The following RALYL variants were observed in gnomAD, a reference collection of about 807,000 sequenced individuals.
The protein encoded by RALYL is RNA-binding Raly-like protein.
A neutral mutation model predicts 35.1 loss-of-function variants in RALYL; 29 were observed. That is an observed-to-expected ratio of 0.83 (90% confidence interval 0.61 to 1.13). The LOEUF (loss-of-function observed/expected upper bound fraction) is 1.13. RALYL is among the 50% of genes most tolerant of loss of function. RALYL has a pLI of 0.00. For synonymous variants in RALYL, 120 were observed against 127.6 expected (o/e 0.94, Z 0.40); for missense variants, 359 against 360.4 (o/e 1.00, Z 0.03).
chr8:84,522,395 G>T (rs573422339), intron 1 of RALYL, among the ~76,000 whole-genome samples: 1 of 150,530 alleles, frequency 6.6e-6, no homozygotes, highest in Non-Finnish European at 1.5e-5. Flanking sequence ...GACTACAGGC[G>T]CCCGCCACTA....
At chr8:84,846,816 T>C (rs1274819015) in intron 4 of RALYL, among the ~76,000 whole-genome samples, 1 of 152,218 alleles carries the variant, frequency 6.6e-6, no homozygotes, top group Non-Finnish European at 1.5e-5. Flanking sequence ...TTCATAATAG[T>C]TTCTGAGGAT....
chr8:84,696,669 T>C (rs1429474903), intron 2 of RALYL, among the ~76,000 whole-genome samples: 8 of 148,796 alleles, frequency 5.4e-5, no homozygotes, highest in Admixed American at 2.0e-4. Flanking sequence ...GAAAATAAAA[T>C]GTGAGACTCT....
At chr8:84,661,613 A>T (rs1413738981) in intron 2 of RALYL, among the ~76,000 whole-genome samples, 1 of 145,184 alleles carries the variant, frequency 6.9e-6, no homozygotes, top group Non-Finnish European at 1.5e-5. Flanking sequence ...TTCGTGCTAC[A>T]TTTTATTTTA....
rs1265848095 is a variant in RALYL at position 84,529,499 on chromosome 8, G to A, written c.178G>A (p.Val60Ile). The A allele has an allele frequency of 8.1e-6, 13 of 1,613,734 alleles. No individual in the cohort carries two copies. Among genetic ancestry groups the A allele is most frequent in the Non-Finnish European group, 9.3e-6 (11 of 1,179,850 alleles). ...GCSVHKGYAF[V>I]QYMSERHARA... ...TTCCGTTCACAAAGGTTATGCATTT[G>A]TACAGTACATGAGTGAGCGACATGC... The change falls in exon 2 of 9, where the codon GTA (valine) becomes ATA (isoleucine). Residue 60 changes from valine (V) to isoleucine (I), a missense_variant. Coordinates refer to ENST00000521268, the MANE Select transcript of RALYL (RefSeq NM_173848.7).
At chr8:84,679,597 CT>C in intron 2 of RALYL, 1 of 457,136 alleles carries the variant, frequency 2.2e-6, no homozygotes. Context: ...GCCTTATCTT[CT>C]TTGATGAAAC....
At chr8:84,837,819 G>T (rs1832329492) in intron 4 of RALYL, among the ~76,000 whole-genome samples, 4 of 152,100 alleles carry the variant, frequency 2.6e-5, no homozygotes, top group African/African-American at 9.7e-5. Context: ...TGAAATATTT[G>T]TTTGCACTAA....
intron 4 of RALYL, among the ~76,000 whole-genome samples, chr8:84,812,470 G>T (rs1433676821): frequency 1.3e-5 from 2 of 152,072 alleles, no homozygotes; most frequent in East Asian, 1.9e-4. Flanking sequence ...AGGAACCAAT[G>T]GTGGGTGGGG....
chr8:84,681,900 G>A (rs986843397), intron 2 of RALYL, among the ~76,000 whole-genome samples: 6 of 152,156 alleles, frequency 3.9e-5, no homozygotes, highest in African/African-American at 1.4e-4. Flanking sequence ...GTGAGAGAGG[G>A]CATCCCTGTC....
intron 1 of RALYL, among the ~76,000 whole-genome samples, chr8:84,512,542 C>G (rs1250199345): frequency 6.6e-6 from 1 of 152,098 alleles, no homozygotes; most frequent in Non-Finnish European, 1.5e-5. Context: ...TTAATATAGT[C>G]CCATTTGTCT....
At chr8:84,388,939 T>C (rs1186112007) in intron 1 of RALYL, among the ~76,000 whole-genome samples, 1 of 152,168 alleles carries the variant, frequency 6.6e-6, no homozygotes, top group Non-Finnish European at 1.5e-5. Context: ...CTGAATGGTG[T>C]TGCCTAGGTT....
At chr8:84,877,592 G>C (rs1841421356) in intron 7 of RALYL, among the ~76,000 whole-genome samples, 1 of 152,094 alleles carries the variant, frequency 6.6e-6, no homozygotes, top group Non-Finnish European at 1.5e-5. Flanking sequence ...ACAGAGAGTT[G>C]ATATCATTGG....
Position 84,795,865 on chromosome 8 carries a change from A to C in RALYL, c.333-8905A>C, listed in dbSNP as rs535217960. Among the ~76,000 whole-genome samples the C allele has an allele frequency of 1.1e-4, 17 of 152,288 alleles. No homozygotes were observed. The South Asian group carries it at 3.1e-3, about 28-fold the overall frequency. On this transcript the variant is annotated intron_variant, in intron 3 of 8. Transcript: ENST00000521268. Reference sequence around the variant, plus strand: ...TTTAGAGCTCACAAGCTTTTAAAGGAATGTTTATTCGCACTTTCAGCCACC... The same window carrying C: ...TTTAGAGCTCACAAGCTTTTAAAGGCATGTTTATTCGCACTTTCAGCCACC...
chr8:84,284,637 G>T (rs1236606893), intron 1 of RALYL, among the ~76,000 whole-genome samples: 1 of 152,084 alleles, frequency 6.6e-6, no homozygotes, highest in Non-Finnish European at 1.5e-5. Flanking sequence ...ATAGACCATT[G>T]GCAGTGCTTT....
intron 2 of RALYL, among the ~76,000 whole-genome samples, chr8:84,582,359 A>C (rs192704265): frequency 2.0e-4 from 30 of 152,260 alleles, no homozygotes; most frequent in African/African-American, 6.0e-4. Flanking sequence ...TGTTTAAATT[A>C]TACCTTTATT....
intron 2 of RALYL, among the ~76,000 whole-genome samples, chr8:84,773,489 A>G (rs1355819721): frequency 6.6e-6 from 1 of 152,110 alleles, no homozygotes; most frequent in Admixed American, 6.6e-5. Context: ...TATTTATATT[A>G]CTTTCCAAAC....
At chr8:84,223,101 T>G (rs1046986906) in intron 1 of RALYL, among the ~76,000 whole-genome samples, 2 of 99,452 alleles carry the variant, frequency 2.0e-5, no homozygotes, top group African/African-American at 9.6e-5. Context: ...TCCTTTCCTT[T>G]CCTTTCCTTT....
rs576875754 is a variant in RALYL at position 84,410,907 on chromosome 8, G to A, written c.-23-118392G>A. Among the ~76,000 whole-genome samples, 5 of 151,766 alleles carry A rather than the reference G, an allele frequency of 3.3e-5. 1 individual carries two copies. In the South Asian group the frequency reaches 1.0e-3, roughly 32 times the overall value. On this transcript the variant is annotated intron_variant, in intron 1 of 8. Transcript: ENST00000521268. The stretch of plus-strand genomic sequence containing the variant: ...TATGACATACATACAAAATGAGAAA[G>A]GAAATAAACTCTAGGATGAATCTTA...
intron 7 of RALYL, among the ~76,000 whole-genome samples, chr8:84,879,589 A>C (rs1020904757): frequency 6.6e-6 from 1 of 152,112 alleles, no homozygotes; most frequent in Non-Finnish European, 1.5e-5. Flanking sequence ...AGCAATATAA[A>C]CAATATTTAG....
intron 1 of RALYL, among the ~76,000 whole-genome samples, chr8:84,370,030 T>C (rs1855364752): frequency 6.6e-6 from 1 of 152,100 alleles, no homozygotes; most frequent in Non-Finnish European, 1.5e-5. Context: ...CAATTTCAAA[T>C]GTTATTAACA....
Sources: allele counts gnomAD v4.1 joint callset (sites outside exome capture counted in the v4.1 genomes callset), GRCh38; gene constraint gnomAD v4.1.1; transcripts MANE v1.5; gene names NCBI Gene and HGNC (gene_info 2026-07-23, HGNC 2026-07-21).